Variants in MLLT10 observed in about 807,000 individuals in gnomAD.
The protein encoded by MLLT10 is protein AF-10.
In MLLT10, 30 loss-of-function variants were observed where a neutral mutation model predicts 129.1. That is an observed-to-expected ratio of 0.23 (90% CI 0.17 to 0.32). MLLT10 has a LOEUF of 0.32. MLLT10 is among the 10% of genes least tolerant of loss of function. The probability of loss-of-function intolerance (pLI) is 1.00; values close to 1 mark genes in which losing one functional copy is unlikely to be tolerated. For missense variants in MLLT10, 1,119 were observed against 1,268.3 expected (o/e 0.88, Z 1.79); for synonymous variants, 490 against 446.4 (o/e 1.10, Z -1.23).
chr10:21,555,632 G>T (rs2037813881), intron 3 of MLLT10, among the ~76,000 whole-genome samples: 1 of 150,326 alleles, frequency 6.7e-6, no homozygotes, highest in Admixed American at 6.6e-5. Context: ...GTGACTTTAT[G>T]TAAAAATCTG....
chr10:21,672,460 C>T (rs1215738892), intron 10 of MLLT10, among the ~76,000 whole-genome samples: 2 of 152,008 alleles, frequency 1.3e-5, no homozygotes, highest in Admixed American at 6.6e-5. Context: ...CACACGTCAC[C>T]ACCCCCGGCT....
chr10:21,585,162 G>A (rs1021732116), intron 3 of MLLT10, among the ~76,000 whole-genome samples: 1 of 151,868 alleles, frequency 6.6e-6, no homozygotes, highest in African/African-American at 2.4e-5. Context: ...GGGCTCAAGC[G>A]ATCTACCTAC....
At chr10:21,548,044 C>G (rs1277740675) in intron 3 of MLLT10, among the ~76,000 whole-genome samples, 1 of 151,908 alleles carries the variant, frequency 6.6e-6, no homozygotes, top group Non-Finnish European at 1.5e-5. Context: ...CTTTTTGTGT[C>G]TACGAATTTC....
chr10:21,572,358 A>G (rs879651528), intron 3 of MLLT10, among the ~76,000 whole-genome samples: 49 of 152,164 alleles, frequency 3.2e-4, no homozygotes, highest in African/African-American at 1.1e-3. Context: ...GAAGTTCTGC[A>G]TATTCTCCGT....
In MLLT10 at chr10:21,647,625, A is replaced by G. The variant is rs140786171; in HGVS notation, c.700-4048A>G. ...AACAACTTTGGTCACTATATAGGAG[A>G]AAAATACTACCTTTAGTTGTTTTAA... is the stretch of plus-strand genomic sequence containing the variant. On this transcript the variant is annotated intron_variant, in intron 8 of 22. Coordinates refer to ENST00000307729, the MANE Select transcript of MLLT10 (RefSeq NM_001195626.3). Among the ~76,000 whole-genome samples, 3 of 152,088 alleles carry G rather than the reference A, an allele frequency of 2.0e-5. No homozygotes were observed. In the East Asian group the frequency reaches 5.8e-4, roughly 29 times the overall value.
chr10:21,586,758 C>A (rs1370044150), intron 4 of MLLT10, among the ~76,000 whole-genome samples: 6 of 151,812 alleles, frequency 4.0e-5, no homozygotes, highest in African/African-American at 1.5e-4. Context: ...GTGGTGGTGC[C>A]TGCCTGTAGT....
Position 21,672,865 on chromosome 10 carries a change from T to C in MLLT10, c.1052-485T>C, listed in dbSNP as rs967708098. On this transcript the variant is annotated intron_variant, in intron 10 of 22. Transcript: ENST00000307729. ...ACCTAGGAAACTTCTTAAGTTCTTA[T>C]TGTATATTGGGAACATTTTCAATCA... Among the ~76,000 whole-genome samples, 6 of 152,210 alleles carry C rather than the reference T, an allele frequency of 3.9e-5. No individual in the cohort carries two copies. The East Asian group carries it at 7.7e-4, about 19-fold the overall frequency.
chr10:21,742,299 C>CACA lies in MLLT10; in HGVS notation c.*319_*321dup, dbSNP rs1457323495. The CACA allele has an allele frequency of 2.0e-5, 6 of 293,412 alleles. No individual in the cohort carries two copies. Among genetic ancestry groups the CACA allele is most frequent in the African/African-American group, 1.3e-4 (6 of 46,872 alleles). The allele number at this position is 293,412 out of a possible 1,614,324, so 18.2% of individuals were successfully genotyped here. On this transcript the variant is annotated 3_prime_UTR_variant, in exon 23 of 23. Transcript: ENST00000307729. Reference sequence around the variant, plus strand: ...ACTCAAGAATTTAATATAGTTGGTACACAACTAGTTTTGTTTATAAATTGG... The same window carrying CACA: ...ACTCAAGAATTTAATATAGTTGGTACACAACAACTAGTTTTGTTTATAAATTGG...
chr10:21,676,286 G>A (rs1485402602), intron 11 of MLLT10, among the ~76,000 whole-genome samples: 7 of 151,878 alleles, frequency 4.6e-5, no homozygotes, highest in Non-Finnish European at 8.8e-5. Context: ...GCATGGTGGC[G>A]GGTGCCTGTA....
At chr10:21,553,635 A>G (rs2037436924) in intron 3 of MLLT10, among the ~76,000 whole-genome samples, 2 of 148,086 alleles carry the variant, frequency 1.4e-5, no homozygotes, top group African/African-American at 5.0e-5. Context: ...TGCAATTCTG[A>G]TTTCTTTTCC....
intron 3 of MLLT10, among the ~76,000 whole-genome samples, chr10:21,541,916 G>A (rs1275494543): frequency 6.6e-6 from 1 of 152,172 alleles, no homozygotes; most frequent in Admixed American, 6.6e-5. Flanking sequence ...GCAAATGGAG[G>A]ATAAAATCAA....
intron 13 of MLLT10, among the ~76,000 whole-genome samples, chr10:21,705,899 A>C (rs373914982): frequency 3.5e-4 from 54 of 152,314 alleles, no homozygotes; most frequent in African/African-American, 1.2e-3. Context: ...TCAGAGCCTG[A>C]AAGGATCTAG....
rs2046404882 is a variant in MLLT10, at chr10:21,626,097, G to T, written c.699+8890G>T. The T allele has an allele frequency of 2.5e-6, 4 of 1,607,226 alleles. No individual in the cohort carries two copies. In the South Asian group the frequency reaches 3.3e-5, roughly 13 times the overall value. ...TCATCAGGTCCCTTTGTGGACTCTTGCACCTAGCTCCCCTGTTTCTCTCTC... is the reference window on the plus strand; with the variant it reads ...TCATCAGGTCCCTTTGTGGACTCTTTCACCTAGCTCCCCTGTTTCTCTCTC... On this transcript the variant is annotated intron_variant, in intron 8 of 22. Coordinates refer to ENST00000307729, the MANE Select transcript of MLLT10 (RefSeq NM_001195626.3).
At chr10:21,573,437 T>TGTG in intron 3 of MLLT10, among the ~76,000 whole-genome samples, 1 of 152,362 alleles carries the variant, frequency 6.6e-6, no homozygotes, top group South Asian at 2.1e-4. Flanking sequence ...GCTGAGTAGC[T>TGTG]TCCTGAGGGT....
At chr10:21,668,396 G>A (rs72794877) in intron 9 of MLLT10, among the ~76,000 whole-genome samples, 2 of 152,044 alleles carry the variant, frequency 1.3e-5, no homozygotes, top group Non-Finnish European at 2.9e-5. Context: ...GCACATTATG[G>A]AACAAGTACT....
At chr10:21,704,944 C>A (rs1166641316) in intron 13 of MLLT10, among the ~76,000 whole-genome samples, 1 of 152,090 alleles carries the variant, frequency 6.6e-6, no homozygotes, top group Non-Finnish European at 1.5e-5. Context: ...GCACCTCAGT[C>A]GTGGACCAAG....
intron 9 of MLLT10, among the ~76,000 whole-genome samples, chr10:21,652,929 T>C (rs1474591636): frequency 6.6e-6 from 1 of 152,110 alleles, no homozygotes; most frequent in Non-Finnish European, 1.5e-5. Flanking sequence ...GTTAGAGGCA[T>C]ATGAGAAAGA....
chr10:21,612,523 CT>C lies in MLLT10; in HGVS notation c.509+74del. ...TTGTGTAACAATCATAAGTTAAAGA[CT>C]TAGATACTCAAACATTAATTATGGT... On this transcript the variant is annotated intron_variant, in intron 6 of 22. Transcript: ENST00000307729. 4.9e-6 allele frequency: 4 copies of C among 818,756 alleles called. No individual in the cohort carries two copies. The South Asian group carries it at 8.1e-5, about 17-fold the overall frequency. 50.7% of individuals were successfully genotyped at this position (818,756 alleles called of 1,614,324 possible).
chr10:21,586,804 T>C (rs1276123118), intron 4 of MLLT10, among the ~76,000 whole-genome samples: 1 of 152,034 alleles, frequency 6.6e-6, no homozygotes, highest in Non-Finnish European at 1.5e-5. Context: ...GGAGAATCGC[T>C]TGAACTTGGG....
Sources: allele counts gnomAD v4.1 joint callset (sites outside exome capture counted in the v4.1 genomes callset), GRCh38; gene constraint gnomAD v4.1.1; transcripts MANE v1.5; gene names NCBI Gene and HGNC (gene_info 2026-07-23, HGNC 2026-07-21).